The following LRGUK variants were observed in gnomAD, a reference collection of about 807,000 sequenced individuals.
The protein encoded by LRGUK is leucine rich repeats and guanylate kinase domain containing, also known as leucine-rich repeat and guanylate kinase domain-containing protein.
In LRGUK, 65 loss-of-function variants were observed where a neutral mutation model predicts 76.0. That is an observed-to-expected ratio of 0.85 (90% CI 0.70 to 1.05). The LOEUF (loss-of-function observed/expected upper bound fraction) is 1.05. Among genes scored for constraint, LRGUK ranks in the 50% least tolerant of loss-of-function variants. LRGUK has a pLI of 0.00. For synonymous variants in LRGUK, 268 were observed against 265.6 expected, an observed-to-expected ratio of 1.01 and a Z score of -0.09; for missense variants, 758 against 732.8, an observed-to-expected ratio of 1.03 and a Z score of -0.40.
At chr7:134,247,823 C>T (rs1018780887) in intron 17 of LRGUK, among the ~76,000 whole-genome samples, 179 bp downstream of exon 17, 1 of 152,218 alleles carries the variant, frequency 6.6e-6, no homozygotes, top group African/African-American at 2.4e-5. Context: ...TTTTAAAAGG[C>T]ACAATATGCT....
intron 9 of LRGUK, 52 bp from the exon 10 acceptor site, chr7:134,178,451 C>A: frequency 7.1e-7 from 1 of 1,416,068 alleles, no homozygotes; most frequent in Non-Finnish European, 9.8e-7. Flanking sequence ...GCTTTGTCTT[C>A]TTTTTAGAAA....
chr7:134,180,222 T>C (rs1799679704), intron 10 of LRGUK, among the ~76,000 whole-genome samples: 1 of 152,164 alleles, frequency 6.6e-6, no homozygotes, highest in South Asian at 2.1e-4. Context: ...TGCTACCAGG[T>C]TGGTCATTTA....
At chr7:134,240,767 T>C (rs1802129354) in intron 16 of LRGUK, among the ~76,000 whole-genome samples, 1 of 152,096 alleles carries the variant, frequency 6.6e-6, no homozygotes, top group Non-Finnish European at 1.5e-5. Context: ...TCACCAAATT[T>C]GAAATGACGG....
Position 134,177,068 on chromosome 7 carries a change from G to C in LRGUK, c.1107+5G>C. The C allele has an allele frequency of 6.4e-7, 1 of 1,565,070 alleles. No homozygotes were observed. The highest frequency in any genetic ancestry group is 1.1e-5 in the South Asian group (1 of 88,560). ...AAGATTAAAGTGGAAGAAAAGGTATGTAATCATGTCATAACATTACCATTG... is the reference window on the plus strand; with the variant it reads ...AAGATTAAAGTGGAAGAAAAGGTATCTAATCATGTCATAACATTACCATTG... On this transcript the variant is annotated splice_donor_5th_base_variant and intron_variant, in intron 9 of 15. Coordinates refer to ENST00000645682, the Ensembl canonical transcript of LRGUK.
intron 16 of LRGUK, among the ~76,000 whole-genome samples, chr7:134,235,797 C>T (rs1801999690): frequency 6.6e-6 from 1 of 152,156 alleles, no homozygotes; most frequent in Admixed American, 6.5e-5. Flanking sequence ...CATGTCTTCT[C>T]TGAGTCATTT....
At chr7:134,183,462 C>A (rs1799844206) in intron 10 of LRGUK, among the ~76,000 whole-genome samples, 1 of 152,098 alleles carries the variant, frequency 6.6e-6, no homozygotes, top group Non-Finnish European at 1.5e-5. Flanking sequence ...TCACTCTAGC[C>A]ATCAAGAACC....
chr7:134,184,730 C>T (rs1396801445), intron 11 of LRGUK, among the ~76,000 whole-genome samples: 1 of 152,142 alleles, frequency 6.6e-6, no homozygotes, highest in Non-Finnish European at 1.5e-5. Context: ...GGCTTCTTTG[C>T]CACTTATTAT....
intron 16 of LRGUK, among the ~76,000 whole-genome samples, chr7:134,242,958 G>C (rs1802202101): frequency 6.6e-6 from 1 of 152,118 alleles, no homozygotes; most frequent in Non-Finnish European, 1.5e-5. Context: ...AAAACCACAT[G>C]ATTATCTCAA....
chr7:134,167,148 A>T (rs1799025780), intron 7 of LRGUK, among the ~76,000 whole-genome samples: 1 of 152,132 alleles, frequency 6.6e-6, no homozygotes, highest in Non-Finnish European at 1.5e-5. Context: ...TGCAAACAGG[A>T]GGGAGGACCC....
At chr7:134,222,797 G>A (rs1448694894) in intron 16 of LRGUK, among the ~76,000 whole-genome samples, 3 of 151,990 alleles carry the variant, frequency 2.0e-5, no homozygotes, top group Non-Finnish European at 2.9e-5. Flanking sequence ...CAGTAGAGAT[G>A]GGGTTTTTCT....
intron 9 of LRGUK, among the ~76,000 whole-genome samples, chr7:134,177,703 A>G (rs1366225224): frequency 1.3e-5 from 2 of 152,230 alleles, no homozygotes; most frequent in South Asian, 2.1e-4. Context: ...TGAGACAGGA[A>G]TGAAAACAGG....
intron 12 of LRGUK, among the ~76,000 whole-genome samples, chr7:134,194,956 T>C (rs1233100448): frequency 1.3e-5 from 2 of 152,152 alleles, no homozygotes; most frequent in Non-Finnish European, 2.9e-5. Context: ...TTATCATTAC[T>C]CAAATCAATC....
chr7:134,252,387 C>T (rs928294547), intron 18 of LRGUK, among the ~76,000 whole-genome samples: 7 of 142,770 alleles, frequency 4.9e-5, no homozygotes, highest in African/African-American at 1.8e-4. Flanking sequence ...TTAAAGGGAC[C>T]TAACATTCTG....
chr7:134,134,219 T>A (rs1385757269), intron 1 of LRGUK, among the ~76,000 whole-genome samples: 3 of 151,912 alleles, frequency 2.0e-5, no homozygotes, highest in African/African-American at 7.3e-5. Flanking sequence ...AGGTGCTAGG[T>A]AGGTTGAAGG....
intron 18 of LRGUK, among the ~76,000 whole-genome samples, chr7:134,250,890 C>T (rs956448987): frequency 6.6e-6 from 1 of 152,194 alleles, no homozygotes; most frequent in African/African-American, 2.4e-5. Context: ...GCCTGTGGCT[C>T]AAGTCTCACA....
chr7:134,246,102 T>C (rs1391213792), intron 16 of LRGUK, among the ~76,000 whole-genome samples: 1 of 152,232 alleles, frequency 6.6e-6, no homozygotes, highest in Non-Finnish European at 1.5e-5. Context: ...TCATGTGTCA[T>C]GGTCTCTAAG....
exon 2 of LRGUK, chr7:134,137,118 T>C: frequency 1.2e-6 from 2 of 1,610,518 alleles, no homozygotes; most frequent in South Asian, 2.2e-5. Flanking sequence ...TCTACCTCAA[T>C]CTAACTTTAT....
At chr7:134,150,348 G>A (rs952076015) in intron 5 of LRGUK, among the ~76,000 whole-genome samples, 3 of 151,952 alleles carry the variant, frequency 2.0e-5, no homozygotes, top group African/African-American at 7.3e-5. Context: ...TGTAGTCCCA[G>A]CTACTCAGGA....
intron 18 of LRGUK, among the ~76,000 whole-genome samples, chr7:134,250,108 C>T (rs189810272): frequency 7.2e-5 from 11 of 152,264 alleles, no homozygotes; most frequent in Non-Finnish European, 1.2e-4. Context: ...AGCATCCAAA[C>T]GCATGGCAAT....
Sources: gnomAD v4.1 joint callset for allele counts (sites outside exome capture counted in the v4.1 genomes callset) on GRCh38, gnomAD v4.1.1 for gene constraint, MANE v1.5 for transcripts, NCBI Gene and HGNC (gene_info 2026-07-23, HGNC 2026-07-21) for gene names.